The following B4GALT5 variants were observed in gnomAD, a reference collection of about 807,000 sequenced individuals.
The protein encoded by B4GALT5 is beta-1,4-galactosyltransferase 5.
Under a neutral mutation model 45.0 loss-of-function variants are expected in B4GALT5, and 11 were observed. That is an observed-to-expected ratio of 0.24 (90% CI 0.15 to 0.40). The LOEUF (loss-of-function observed/expected upper bound fraction) is 0.40, where lower values mean the gene tolerates loss of function less well. Among genes scored for constraint, B4GALT5 ranks in the 10% least tolerant of loss-of-function variants. The probability of loss-of-function intolerance (pLI) is 1.00; values close to 1 mark genes in which losing one functional copy is unlikely to be tolerated. For missense variants in B4GALT5, 337 were observed against 500.2 expected (o/e 0.67, Z 3.11); for synonymous variants, 185 against 182.9 (o/e 1.01, Z -0.09).
At chr20:49,701,506 G>A (rs573669299) in intron 1 of B4GALT5, among the ~76,000 whole-genome samples, 3 of 152,156 alleles carry the variant, frequency 2.0e-5, no homozygotes, top group East Asian at 1.9e-4. Context: ...CACACATCAC[G>A]CCCCTCCTAG....
At chr20:49,681,216 TAAA>T (rs10628956) in intron 1 of B4GALT5, among the ~76,000 whole-genome samples, 1 of 72,460 alleles carries the variant, frequency 1.4e-5, no homozygotes, top group African/African-American at 6.4e-5. Flanking sequence ...ACCCCATCTC[TAAA>T]AAAAAAAAAA....
chr20:49,669,096 A>G (rs1469292872), intron 1 of B4GALT5, among the ~76,000 whole-genome samples: 1 of 152,052 alleles, frequency 6.6e-6, no homozygotes. Flanking sequence ...CCTGGGCTCA[A>G]GCAATCCTCC....
intron 1 of B4GALT5, among the ~76,000 whole-genome samples, chr20:49,697,038 C>T (rs974711199): frequency 6.6e-6 from 1 of 152,186 alleles, no homozygotes; most frequent in African/African-American, 2.4e-5. Flanking sequence ...TTTGTGGCTA[C>T]TGAGGAATGT....
intron 1 of B4GALT5, among the ~76,000 whole-genome samples, chr20:49,689,418 A>G (rs1340938025): frequency 6.6e-6 from 1 of 152,220 alleles, no homozygotes; most frequent in South Asian, 2.1e-4. Flanking sequence ...AATTTCACAG[A>G]TACAAATTTG....
intron 3 of B4GALT5, among the ~76,000 whole-genome samples, chr20:49,643,960 G>A (rs2085588285): frequency 1.8e-5 from 2 of 111,692 alleles, no homozygotes; most frequent in African/African-American, 3.7e-5. Context: ...AGACAGTCTC[G>A]CTCTGTTGCC....
chr20:49,638,373 C>G (rs2085562678), intron 7 of B4GALT5, among the ~76,000 whole-genome samples: 2 of 152,134 alleles, frequency 1.3e-5, no homozygotes. Flanking sequence ...CAAACACATA[C>G]TTTTCAAAAG....
intron 1 of B4GALT5, among the ~76,000 whole-genome samples, chr20:49,673,857 G>A (rs1479125239): frequency 1.3e-5 from 2 of 151,978 alleles, no homozygotes; most frequent in Non-Finnish European, 2.9e-5. Flanking sequence ...AAGCAAAATA[G>A]TGGTAACTGT....
At chr20:49,669,502 A>C (rs918227598) in intron 1 of B4GALT5, among the ~76,000 whole-genome samples, 2 of 151,994 alleles carry the variant, frequency 1.3e-5, no homozygotes, top group Admixed American at 1.3e-4. Context: ...TTCGCAACCA[A>C]CCTGACCAAC....
intron 1 of B4GALT5, among the ~76,000 whole-genome samples, chr20:49,682,539 C>T (rs2085768336): frequency 6.6e-6 from 1 of 152,308 alleles, no homozygotes; most frequent in East Asian, 1.9e-4. Flanking sequence ...GTCTTGGCAG[C>T]GCTGCCCAGA....
intron 1 of B4GALT5, among the ~76,000 whole-genome samples, chr20:49,707,312 G>A (rs1285666225): frequency 1.3e-5 from 2 of 151,886 alleles, no homozygotes; most frequent in Admixed American, 6.6e-5. Context: ...TTCCTCCTAA[G>A]AAGAAGGGAC....
At chr20:49,698,133 C>A (rs2085846899) in intron 1 of B4GALT5, among the ~76,000 whole-genome samples, 1 of 152,170 alleles carries the variant, frequency 6.6e-6, no homozygotes, top group Admixed American at 6.5e-5. Flanking sequence ...ACCAGCCTGG[C>A]CAACATGGCG....
chr20:49,676,328 A>G (rs970956875), intron 1 of B4GALT5, among the ~76,000 whole-genome samples: 1 of 152,178 alleles, frequency 6.6e-6, no homozygotes, highest in African/African-American at 2.4e-5. Context: ...GAATCCACAG[A>G]AAGACTTTCT....
chr20:49,669,423 G>A (rs942414277), intron 1 of B4GALT5, among the ~76,000 whole-genome samples: 18 of 152,242 alleles, frequency 1.2e-4, no homozygotes, highest in East Asian at 7.7e-4. Context: ...TAGGCTGGGC[G>A]TGGTTGCTCA....
chr20:49,642,844 C>A (rs187105285), intron 4 of B4GALT5, among the ~76,000 whole-genome samples: 2 of 152,344 alleles, frequency 1.3e-5, no homozygotes, highest in East Asian at 3.9e-4. Flanking sequence ...GGAAAACACA[C>A]ATTCTACACT....
At chr20:49,642,825 TAAC>T (rs1001053715) in intron 4 of B4GALT5, among the ~76,000 whole-genome samples, 13 of 152,246 alleles carry the variant, frequency 8.5e-5, no homozygotes, top group African/African-American at 3.1e-4. Context: ...TTCTAGGCCA[TAAC>T]TCATAGGAAA....
intron 1 of B4GALT5, among the ~76,000 whole-genome samples, chr20:49,662,005 C>A (rs2085667106): frequency 6.6e-6 from 1 of 152,164 alleles, no homozygotes; most frequent in Non-Finnish European, 1.5e-5. Flanking sequence ...TGGGCCATGG[C>A]TTAACTGGAC....
chr20:49,681,152 G>T (rs910239159), intron 1 of B4GALT5, among the ~76,000 whole-genome samples: 1 of 138,842 alleles, frequency 7.2e-6, no homozygotes, highest in African/African-American at 2.7e-5. Flanking sequence ...TGTGTTTTAG[G>T]TTATAGTGAG....
chr20:49,654,864 C>T (rs527509991), intron 2 of B4GALT5, among the ~76,000 whole-genome samples: 5 of 152,060 alleles, frequency 3.3e-5, no homozygotes, highest in East Asian at 1.9e-4. Context: ...CTTAGCACTT[C>T]GGGAGGCCAA....
intron 1 of B4GALT5, among the ~76,000 whole-genome samples, chr20:49,661,605 A>T (rs371427531): frequency 2.0e-5 from 3 of 151,942 alleles, no homozygotes; most frequent in African/African-American, 7.3e-5. Flanking sequence ...AATCACAGTT[A>T]AAAAAAACAA....
Sources: allele counts gnomAD v4.1 joint callset (sites outside exome capture counted in the v4.1 genomes callset), GRCh38; gene constraint gnomAD v4.1.1; transcripts MANE v1.5; gene names NCBI Gene and HGNC (gene_info 2026-07-23, HGNC 2026-07-21).